Variants in AHNAK observed in about 807,000 individuals in gnomAD.
AHNAK encodes the protein neuroblast differentiation-associated protein AHNAK.
Under a neutral mutation model 37.8 loss-of-function variants are expected in AHNAK, and 23 were observed. That is an observed-to-expected ratio of 0.61 (90% CI 0.44 to 0.86). AHNAK has a LOEUF of 0.86. AHNAK is among the 40% of genes least tolerant of loss of function. AHNAK has a pLI of 0.00. For missense variants in AHNAK, 7,411 were observed against 7,319.4 expected, an observed-to-expected ratio of 1.01 and a Z score of -0.46; for synonymous variants, 2,481 against 2,636.3, an observed-to-expected ratio of 0.94 and a Z score of 1.80.
intron 3 of AHNAK, among the ~76,000 whole-genome samples, chr11:62,535,604 C>T (rs1325644524): frequency 6.6e-6 from 1 of 151,082 alleles, no homozygotes; most frequent in Non-Finnish European, 1.5e-5. Flanking sequence ...GCTGAGATAG[C>T]GCCATTGCAC....
chr11:62,526,502 G>A lies in AHNAK; in HGVS notation c.7915C>T (p.Pro2639Ser). 1.9e-6 allele frequency: 3 copies of A among 1,612,918 alleles called. No homozygotes were observed. The highest frequency in any genetic ancestry group is 2.5e-6 in the Non-Finnish European group (3 of 1,179,778). ...CTGAACTTTGGCATTTTCACCTTGG[G>A]CATCTTCAGGTGCCAGTCTGGGCCT... ...VQGPDWHLKMPKVKMPKFSMP... is the reference protein window; with the variant it reads ...VQGPDWHLKMSKVKMPKFSMP... The change falls in exon 5 of 5, where the codon CCC (proline) becomes TCC (serine). Residue 2639 changes from proline (P) to serine (S), a missense_variant. Coordinates refer to ENST00000378024, the MANE Select transcript of AHNAK (RefSeq NM_001620.3).
At position 62,458,154 on chromosome 11, in the gene AHNAK, A is replaced by G. The variant is rs1316055106; in HGVS notation, c.443-24263T>C. Among the ~76,000 whole-genome samples the G allele has an allele frequency of 5.9e-5, 9 of 151,966 alleles. No homozygotes were observed. The South Asian group carries it at 8.3e-4, about 14-fold the overall frequency. The stretch of plus-strand genomic sequence containing the variant: ...AGGCTGGTCTCAAACTCCTGACCTC[A>G]TGATCCACCCGCCTTGGCCTCCCAA... On this transcript the variant is annotated intron_variant, in intron 5 of 5. Coordinates refer to the AHNAK transcript ENST00000257247.
At position 62,522,747 on chromosome 11, in the gene AHNAK, A is replaced by T; in HGVS notation, c.11670T>A (p.Asp3890Glu). The T allele has an allele frequency of 6.2e-7, 1 of 1,613,140 alleles. No homozygotes were observed. The highest frequency in any genetic ancestry group is 8.5e-7 in the Non-Finnish European group (1 of 1,179,838). The part of the protein sequence containing the change: ...LNLKGPKVKG[D>E]MDVSLPKVEG... ...CCACTTTTGGCAGAGACACATCCAT[A>T]TCACCCTTCACTTTGGGTCCTTTCA... Residue 3890 changes from aspartate (D) to glutamate (E), a missense_variant, in exon 5 of 5, where the codon GAT becomes GAA. By Grantham distance (45) the Asp-to-Glu change is conservative (BLOSUM62 2). Coordinates refer to ENST00000378024, the MANE Select transcript of AHNAK (RefSeq NM_001620.3).
Position 62,525,765 on chromosome 11 carries a change from A to G in AHNAK, c.8652T>C (p.Asn2884=). ...TCAGGTGCCAGTCTGGACCCTGAACATTAACATCTGGGACATCAATGTCCA... is the reference window on the plus strand; with the variant it reads ...TCAGGTGCCAGTCTGGACCCTGAACGTTAACATCTGGGACATCAATGTCCA... ...PKVDIDVPDV[N]VQGPDWHLKM... The change falls in exon 5 of 5, where the codon AAT becomes AAC. Residue 2884 remains asparagine (N), a synonymous_variant. Transcript: ENST00000378024. 6.2e-7 allele frequency: 1 copy of G among 1,612,080 alleles called. No homozygotes were observed. The highest frequency in any genetic ancestry group is 1.1e-5 in the South Asian group (1 of 90,932).
In AHNAK at chr11:62,523,325, C is replaced by T; in HGVS notation, c.11092G>A (p.Gly3698Ser). 6.2e-7 allele frequency: 1 copy of T among 1,613,308 alleles called. No individual in the cohort carries two copies. Among genetic ancestry groups the T allele is most frequent in the Non-Finnish European group, 8.5e-7 (1 of 1,179,774 alleles). Residue 3698 changes from glycine (G) to serine (S), a missense_variant, in exon 5 of 5, where the codon GGT becomes AGT. By Grantham distance (56) the Gly-to-Ser change is moderately conservative (BLOSUM62 0). Transcript: ENST00000378024. ...DVVVSLPKVE[G>S]DLKGPEVDIK... Reference sequence around the variant, plus strand: ...TCCACCTCAGGGCCTTTTAGATCACCTTCCACTTTGGGCAAAGACACAACC... The same window carrying T: ...TCCACCTCAGGGCCTTTTAGATCACTTTCCACTTTGGGCAAAGACACAACC...
downstream of AHNAK, among the ~76,000 whole-genome samples, chr11:62,512,580 CAGAT>C (rs933201305): frequency 1.3e-5 from 2 of 152,084 alleles, no homozygotes; most frequent in Non-Finnish European, 2.9e-5. The surrounding 1 kb of genome is among the most constrained non-coding windows in gnomAD (Gnocchi z 4.0). Context: ...GGGAACCTGA[CAGAT>C]AGAGAAATGA....
chr11:62,510,339 C>T (rs547970934), intron 4 of AHNAK, among the ~76,000 whole-genome samples: 34 of 152,158 alleles, frequency 2.2e-4, no homozygotes, highest in African/African-American at 7.2e-4. Flanking sequence ...CCACTGCGCC[C>T]GCCCTCTATT....
chr11:62,529,516 C>T lies in AHNAK; in HGVS notation c.4901G>A (p.Gly1634Glu). ...VGDIDIEGPE[G>E]KLKGPKFKMP... ...CTTAAACTTGGGGCCCTTCAACTTC[C>T]CTTCTGGACCTTCAATATCAATATC... The change falls in exon 5 of 5, where the codon GGG becomes GAG. Residue 1634 changes from glycine (G) to glutamate (E), a missense_variant. By Grantham distance (98) the Gly-to-Glu change is moderately conservative. Transcript: ENST00000378024. 6.2e-7 allele frequency: 1 copy of T among 1,614,098 alleles called. No individual in the cohort carries two copies. The highest frequency in any genetic ancestry group is 8.5e-7 in the Non-Finnish European group (1 of 1,180,030).
intron 5 of AHNAK, among the ~76,000 whole-genome samples, chr11:62,457,653 A>G (rs1344264640): frequency 6.6e-6 from 1 of 152,114 alleles, no homozygotes; most frequent in Non-Finnish European, 1.5e-5. Flanking sequence ...AGGAACGAAA[A>G]GGCTTAGTTC....
intron 5 of AHNAK, among the ~76,000 whole-genome samples, chr11:62,485,317 A>G (rs759782762): frequency 7.9e-5 from 12 of 152,106 alleles, no homozygotes; most frequent in Non-Finnish European, 1.6e-4. Context: ...GCTTGAGCCC[A>G]GGAGTTTGAG....
Position 62,518,379 on chromosome 11 carries a change from T to A in AHNAK, c.16038A>T (p.Lys5346Asn). The change falls in exon 5 of 5, where the codon AAA (lysine) becomes AAT (asparagine). Residue 5346 changes from lysine to asparagine, a missense_variant. Lys to Asn is a moderately conservative substitution (Grantham distance 94, BLOSUM62 0). Coordinates refer to ENST00000378024, the MANE Select transcript of AHNAK (RefSeq NM_001620.3). Reference sequence around the variant, plus strand: ...TTGTTGTGGCATCGATCCCTGGCACTTTCACACCGTCTCCTCCCACCTGCA... The same window carrying A: ...TTGTTGTGGCATCGATCCCTGGCACATTCACACCGTCTCCTCCCACCTGCA... ...GKMQVGGDGV[K>N]VPGIDATTKL... 1.2e-6 allele frequency: 2 copies of A among 1,614,066 alleles called. No individual in the cohort carries two copies. Among genetic ancestry groups the A allele is most frequent in the Non-Finnish European group, 1.7e-6 (2 of 1,180,010 alleles).
At chr11:62,494,732 C>T (rs549419927) in intron 4 of AHNAK, among the ~76,000 whole-genome samples, 6 of 152,058 alleles carry the variant, frequency 3.9e-5, no homozygotes, top group Non-Finnish European at 7.4e-5. Context: ...CCAGGACCGC[C>T]GGGCGCAGTG....
chr11:62,496,659 G>GTGGC, intron 4 of AHNAK, among the ~76,000 whole-genome samples: 1 of 152,246 alleles, frequency 6.6e-6, no homozygotes, highest in South Asian at 2.1e-4. Context: ...GCCGGGCGTG[G>GTGGC]TGGCGCGTGC....
At chr11:62,460,738 C>A (rs1049098790) in intron 5 of AHNAK, among the ~76,000 whole-genome samples, 1 of 152,000 alleles carries the variant, frequency 6.6e-6, no homozygotes, top group African/African-American at 2.4e-5. Context: ...AACAAAAGAC[C>A]CCTAGGACCC....
chr11:62,478,958 C>T (rs1212302591), intron 5 of AHNAK, among the ~76,000 whole-genome samples: 2 of 151,950 alleles, frequency 1.3e-5, no homozygotes, highest in Admixed American at 1.3e-4. Context: ...TCACTACAAC[C>T]TCCGCCTCCT....
At chr11:62,503,666 C>G (rs1939754927) in intron 4 of AHNAK, among the ~76,000 whole-genome samples, 1 of 152,028 alleles carries the variant, frequency 6.6e-6, no homozygotes, top group Non-Finnish European at 1.5e-5. Context: ...CCGGCAAGGT[C>G]TGGACTCACC....
intron 5 of AHNAK, chr11:62,491,715 C>T: frequency 2.5e-6 from 4 of 1,595,024 alleles, no homozygotes; most frequent in Non-Finnish European, 3.4e-6. Flanking sequence ...TCTTTCAGTC[C>T]CCATCACTTC....
intron 5 of AHNAK, among the ~76,000 whole-genome samples, chr11:62,441,454 CAG>C (rs1199366298): frequency 2.0e-4 from 30 of 152,194 alleles, no homozygotes; most frequent in African/African-American, 6.3e-4. Context: ...ACCTACGTGA[CAG>C]AGTCAGAACC....
At chr11:62,466,437 C>T (rs551265811) in intron 5 of AHNAK, among the ~76,000 whole-genome samples, 2 of 151,840 alleles carry the variant, frequency 1.3e-5, no homozygotes, top group Non-Finnish European at 2.9e-5. Flanking sequence ...GTTAAGGATC[C>T]CAAACTTAAC....
Sources: gnomAD v4.1 joint callset for allele counts (sites outside exome capture counted in the v4.1 genomes callset) on GRCh38, gnomAD v4.1.1 for gene constraint, Gnocchi (gnomAD v3.1) non-coding constraint, MANE v1.5 for transcripts, NCBI Gene and HGNC (gene_info 2026-07-23, HGNC 2026-07-21) for gene names.